JAZF1: variants seen among roughly 807,000 people sequenced by gnomAD.
JAZF1 encodes the protein juxtaposed with another zinc finger protein 1.
JAZF1 carries 8 observed loss-of-function variants against 26.4 expected under a neutral mutation model. The observed-to-expected ratio is 0.30, with a 90% CI of 0.18 to 0.55. The LOEUF (loss-of-function observed/expected upper bound fraction) is 0.55. JAZF1 is among the 20% of genes least tolerant of loss of function. JAZF1 has a pLI of 0.94. For synonymous variants in JAZF1, 126 were observed against 122.3 expected, an observed-to-expected ratio of 1.03 and a Z score of -0.20; for missense variants, 199 against 322.0, an observed-to-expected ratio of 0.62 and a Z score of 2.92.
chr7:28,060,002 C>T (rs1783773085), intron 1 of JAZF1, among the ~76,000 whole-genome samples: 1 of 152,106 alleles, frequency 6.6e-6, no homozygotes, highest in African/African-American at 2.4e-5. Flanking sequence ...CACTCTTCTC[C>T]TTGTCTTTTA....
At chr7:27,947,493 G>A (rs1378569051) in intron 2 of JAZF1, among the ~76,000 whole-genome samples, 1 of 152,156 alleles carries the variant, frequency 6.6e-6, no homozygotes, top group African/African-American at 2.4e-5. Flanking sequence ...TGTGGCTTAT[G>A]AGAGCCTCTG....
intron 3 of JAZF1, among the ~76,000 whole-genome samples, chr7:27,864,697 A>T (rs17150570): frequency 0.2 from 29,563 of 149,158 alleles, 3,886 homozygotes; most frequent in East Asian, 0.5. Context: ...CTCATTTCTT[A>T]AAAAAAAATC....
chr7:27,912,413 G>C (rs1784371984), intron 2 of JAZF1, among the ~76,000 whole-genome samples: 1 of 152,094 alleles, frequency 6.6e-6, no homozygotes, highest in African/African-American at 2.4e-5. Context: ...AGACCAAACT[G>C]GGTTTTCTCT....
chr7:28,178,086 G>C lies in JAZF1; in HGVS notation c.115+2377C>G, dbSNP rs528149906. On this transcript the variant is annotated intron_variant, in intron 1 of 4. Transcript: ENST00000283928. ...TTAGCCCTGCAACACAGTTCACCTA[G>C]GTCACTGCTATTGCTGTAAACTTAA... is the stretch of plus-strand genomic sequence containing the variant. Among the ~76,000 whole-genome samples the C allele has an allele frequency of 3.9e-5, 6 of 152,248 alleles. No individual in the cohort carries two copies. In the East Asian group the frequency reaches 1.2e-3, roughly 29 times the overall value.
At chr7:28,018,891 G>A (rs995675706) in intron 1 of JAZF1, among the ~76,000 whole-genome samples, 1 of 152,144 alleles carries the variant, frequency 6.6e-6, no homozygotes, top group African/African-American at 2.4e-5. Context: ...AAATTTTCGT[G>A]GTTCAGTTGG....
chr7:28,034,164 C>A (rs1783244836), intron 1 of JAZF1, among the ~76,000 whole-genome samples: 2 of 152,160 alleles, frequency 1.3e-5, no homozygotes, highest in South Asian at 4.1e-4. Context: ...GAATTTCAAA[C>A]TGTTCTGTGT....
intron 2 of JAZF1, among the ~76,000 whole-genome samples, chr7:27,917,967 G>A (rs548232537): frequency 6.6e-6 from 1 of 152,172 alleles, no homozygotes; most frequent in East Asian, 1.9e-4. Flanking sequence ...GGTTACATAC[G>A]GGCAGATGAC....
intron 3 of JAZF1, among the ~76,000 whole-genome samples, chr7:27,894,545 T>C (rs1784026299): frequency 1.3e-5 from 2 of 152,178 alleles, no homozygotes; most frequent in Non-Finnish European, 2.9e-5. Context: ...GGAGAGCAGA[T>C]GAGAGTGCTG....
intron 3 of JAZF1, chr7:27,841,856 G>A (rs559598963): frequency 6.6e-6 from 1 of 152,204 alleles, no homozygotes; most frequent in South Asian, 2.1e-4. Flanking sequence ...ATAATATGTT[G>A]ACAAGTCCTA....
At chr7:27,998,045 G>A (rs1350504109) in intron 1 of JAZF1, among the ~76,000 whole-genome samples, 1 of 137,292 alleles carries the variant, frequency 7.3e-6, no homozygotes, top group Non-Finnish European at 1.6e-5. Context: ...AAGGAAGGAA[G>A]GAAGGAAGGA....
chr7:28,153,618 C>G (rs1783139842), intron 1 of JAZF1, among the ~76,000 whole-genome samples: 1 of 152,208 alleles, frequency 6.6e-6, no homozygotes, highest in South Asian at 2.1e-4. Context: ...AACCTATTCC[C>G]TCTTTCTTGA....
At chr7:28,093,448 C>A (rs1784334269) in intron 1 of JAZF1, among the ~76,000 whole-genome samples, 1 of 152,208 alleles carries the variant, frequency 6.6e-6, no homozygotes, top group Admixed American at 6.5e-5. Context: ...ATAAATTACC[C>A]AGTCTTGGGA....
intron 1 of JAZF1, among the ~76,000 whole-genome samples, chr7:28,172,596 T>G (rs1364395568): frequency 6.6e-6 from 1 of 152,186 alleles, no homozygotes; most frequent in Non-Finnish European, 1.5e-5. Context: ...CTGACTACAC[T>G]TAGATAAGAA....
chr7:27,974,054 T>C (rs1417564605), intron 2 of JAZF1, among the ~76,000 whole-genome samples: 2 of 152,158 alleles, frequency 1.3e-5, no homozygotes, highest in Non-Finnish European at 2.9e-5. Flanking sequence ...CCAAGCTTCC[T>C]AGACTAATGA....
intron 2 of JAZF1, among the ~76,000 whole-genome samples, chr7:27,934,269 A>G (rs1485364350): frequency 2.6e-5 from 4 of 152,214 alleles, no homozygotes; most frequent in Non-Finnish European, 4.4e-5. Context: ...CAGTTATTTT[A>G]GTTTTCTACT....
chr7:27,880,649 G>A (rs1273978453), intron 3 of JAZF1, among the ~76,000 whole-genome samples: 1 of 152,026 alleles, frequency 6.6e-6, no homozygotes, highest in Non-Finnish European at 1.5e-5. Flanking sequence ...GTGGGGAAAG[G>A]TTAACTAGAT....
intron 2 of JAZF1, among the ~76,000 whole-genome samples, chr7:27,956,809 C>T (rs1166525377): frequency 3.3e-5 from 5 of 152,122 alleles, no homozygotes; most frequent in South Asian, 2.1e-4. Context: ...CCATGGCTGT[C>T]GGAGAAGAAT....
intron 1 of JAZF1, among the ~76,000 whole-genome samples, chr7:27,998,359 C>T (rs1386060118): frequency 6.6e-6 from 1 of 152,092 alleles, no homozygotes; most frequent in African/African-American, 2.4e-5. Flanking sequence ...AACTTTTACC[C>T]CACTTTGAAG....
At chr7:28,005,456 T>C (rs1186732398) in intron 1 of JAZF1, among the ~76,000 whole-genome samples, 1 of 151,748 alleles carries the variant, frequency 6.6e-6, no homozygotes, top group Non-Finnish European at 1.5e-5. Flanking sequence ...GCTGAACATC[T>C]GGACACAGAC....
Sources: allele counts gnomAD v4.1 joint callset (sites outside exome capture counted in the v4.1 genomes callset), GRCh38; gene constraint gnomAD v4.1.1; transcripts MANE v1.5; gene names NCBI Gene and HGNC (gene_info 2026-07-23, HGNC 2026-07-21).